The following CMTM8 variants were observed in gnomAD, a reference collection of about 807,000 sequenced individuals.
CMTM8 encodes the protein CKLF like MARVEL transmembrane domain containing 8.
A neutral mutation model predicts 18.6 loss-of-function variants in CMTM8; 12 were observed. The ratio of observed to expected loss-of-function variants is 0.65; its 90% confidence interval spans 0.41 to 1.05. The LOEUF (loss-of-function observed/expected upper bound fraction) is 1.05, where lower values mean the gene tolerates loss of function less well. CMTM8 is among the 50% of genes least tolerant of loss of function. The pLI, the probability that CMTM8 is intolerant of heterozygous loss-of-function variation, is 0.00. For missense variants in CMTM8, 217 were observed against 227.2 expected, an observed-to-expected ratio of 0.95 and a Z score of 0.29; for synonymous variants, 87 against 90.6, an observed-to-expected ratio of 0.96 and a Z score of 0.23.
intron 1 of CMTM8, among the ~76,000 whole-genome samples, chr3:32,333,667 C>T (rs1023957392): frequency 2.0e-5 from 3 of 149,732 alleles, no homozygotes; most frequent in East Asian, 1.9e-4. Context: ...GAAAAGGTAC[C>T]GAGACATTGG....
chr3:32,368,803 A>G (rs903750314), intron 3 of CMTM8, among the ~76,000 whole-genome samples: 3 of 148,006 alleles, frequency 2.0e-5, no homozygotes, highest in Non-Finnish European at 3.0e-5. Flanking sequence ...TTTTTAAACC[A>G]TAAGTGTGTA....
chr3:32,310,772 A>G (rs1178939773), intron 1 of CMTM8, among the ~76,000 whole-genome samples: 4 of 152,238 alleles, frequency 2.6e-5, no homozygotes, highest in Admixed American at 1.3e-4. Flanking sequence ...TTATACAAGT[A>G]TAAAGAATTG....
At chr3:32,285,981 A>G (rs965629291) in intron 1 of CMTM8, among the ~76,000 whole-genome samples, 1 of 152,234 alleles carries the variant, frequency 6.6e-6, no homozygotes, top group Admixed American at 6.5e-5. Context: ...GGCGGTCTGC[A>G]GTTAGGTCAA....
chr3:32,305,803 T>C (rs1185431099), intron 1 of CMTM8, among the ~76,000 whole-genome samples: 2 of 152,252 alleles, frequency 1.3e-5, no homozygotes, highest in Non-Finnish European at 2.9e-5. Context: ...GGCAACCATA[T>C]TCGTGGGTTA....
intron 1 of CMTM8, among the ~76,000 whole-genome samples, chr3:32,342,247 CA>C (rs978844966): frequency 1.8e-4 from 28 of 152,006 alleles, no homozygotes; most frequent in Non-Finnish European, 3.1e-4. Flanking sequence ...GACTCCATCT[CA>C]AAAAAACCCA....
At chr3:32,357,280 G>A in intron 1 of CMTM8, 93 bp from the exon 2 acceptor site, 1 of 956,462 alleles carries the variant, frequency 1.0e-6, no homozygotes, top group Admixed American at 2.3e-5. Flanking sequence ...TTGACATTCT[G>A]TATAATTATT....
intron 1 of CMTM8, among the ~76,000 whole-genome samples, chr3:32,276,330 C>T (rs1427566548): frequency 3.9e-5 from 6 of 152,200 alleles, no homozygotes; most frequent in African/African-American, 1.4e-4. Flanking sequence ...CCCTAGAGGG[C>T]AGTGGGCCTT....
intron 1 of CMTM8, among the ~76,000 whole-genome samples, chr3:32,265,750 A>G (rs1358260282): frequency 2.6e-5 from 4 of 152,254 alleles, no homozygotes; most frequent in Non-Finnish European, 5.9e-5. Context: ...AAATAGACGC[A>G]ATAAAAAATG....
At chr3:32,356,586 C>T (rs1575093792) in intron 1 of CMTM8, among the ~76,000 whole-genome samples, 1 of 152,174 alleles carries the variant, frequency 6.6e-6, no homozygotes, top group African/African-American at 2.4e-5. Flanking sequence ...TACTGAGTGT[C>T]CACATCTGGA....
chr3:32,283,093 T>G (rs1559369312), intron 1 of CMTM8, among the ~76,000 whole-genome samples: 1 of 152,226 alleles, frequency 6.6e-6, no homozygotes, highest in Non-Finnish European at 1.5e-5. Flanking sequence ...TCCCTAGTAC[T>G]TAAATTGCAC....
intron 1 of CMTM8, among the ~76,000 whole-genome samples, chr3:32,316,721 A>G (rs1407977717): frequency 6.6e-6 from 1 of 152,146 alleles, no homozygotes; most frequent in Non-Finnish European, 1.5e-5. Context: ...AGATTTATTC[A>G]GGGGAAATAA....
chr3:32,252,656 ATTAT>A (rs1702127627), intron 1 of CMTM8, among the ~76,000 whole-genome samples: 1 of 152,172 alleles, frequency 6.6e-6, no homozygotes, highest in African/African-American at 2.4e-5. Context: ...CTCATTTCTG[ATTAT>A]TTGTGATTTA....
At chr3:32,354,276 G>A (rs561884885) in intron 1 of CMTM8, among the ~76,000 whole-genome samples, 3 of 152,268 alleles carry the variant, frequency 2.0e-5, no homozygotes, top group Non-Finnish European at 4.4e-5. Flanking sequence ...CATTTTTGAA[G>A]ACTGGTTTTT....
intron 1 of CMTM8, among the ~76,000 whole-genome samples, chr3:32,253,344 C>CTTTTTTTT (rs151296321): frequency 7.6e-6 from 1 of 132,156 alleles, no homozygotes; most frequent in African/African-American, 2.8e-5. Context: ...GTCCCTTTAT[C>CTTTTTTTT]TTTTTTTTTT....
At chr3:32,253,437 A>G (rs1005057081) in intron 1 of CMTM8, among the ~76,000 whole-genome samples, 2 of 148,596 alleles carry the variant, frequency 1.3e-5, no homozygotes, top group African/African-American at 5.0e-5. Flanking sequence ...CTTTGCCTCT[A>G]AGGTTCAAGT....
At chr3:32,260,026 C>T in intron 1 of CMTM8, 1 of 1,130,588 alleles carries the variant, frequency 8.8e-7, no homozygotes, top group Admixed American at 1.9e-5. Context: ...CCCAGGAGTA[C>T]AAGGCCCTGC....
rs1052603887 is a variant in CMTM8, at chr3:32,359,122, C to A, written c.321+1576C>A. On this transcript the variant is annotated intron_variant, in intron 2 of 3. Transcript: ENST00000307526. ...TCCCCTTTTGCATGAGTCTCAATTT[C>A]TAGTTATGTTATCTAGATCAGCAAT... Among the ~76,000 whole-genome samples, 15 of 152,258 alleles carry A rather than the reference C, an allele frequency of 9.9e-5. No homozygotes were observed. The East Asian group carries it at 2.9e-3, about 29-fold the overall frequency.
chr3:32,323,357 C>T (rs1398709950), intron 1 of CMTM8, among the ~76,000 whole-genome samples: 2 of 152,294 alleles, frequency 1.3e-5, no homozygotes, highest in East Asian at 3.9e-4. Flanking sequence ...TCACATTCTC[C>T]CCCAACTCAC....
At chr3:32,239,810 A>G (rs1269816477) in intron 1 of CMTM8, among the ~76,000 whole-genome samples, 2 of 152,196 alleles carry the variant, frequency 1.3e-5, no homozygotes, top group Non-Finnish European at 2.9e-5. Flanking sequence ...GAGTCCTGTC[A>G]GCAGTTAGAG....
Sources: gnomAD v4.1 joint callset for allele counts (sites outside exome capture counted in the v4.1 genomes callset) on GRCh38, gnomAD v4.1.1 for gene constraint, MANE v1.5 for transcripts, NCBI Gene and HGNC (gene_info 2026-07-23, HGNC 2026-07-21) for gene names.